Variants in MYO6 observed in about 807,000 individuals in gnomAD.
The protein encoded by MYO6 is unconventional myosin-VI.
A neutral mutation model predicts 178.7 loss-of-function variants in MYO6; 74 were observed. The ratio of observed to expected loss-of-function variants is 0.41; its 90% CI spans 0.34 to 0.50. MYO6 has a LOEUF of 0.50. Ranked by LOEUF, MYO6 falls within the 20% of genes least tolerant of loss-of-function variation. MYO6 has a pLI of 0.09. For synonymous variants in MYO6, 477 were observed against 504.6 expected (o/e 0.95, Z 0.73); for missense variants, 1,330 against 1,547.4 (o/e 0.86, Z 2.36).
intron 5 of MYO6, 119 bp downstream of exon 5, chr6:75,830,664 G>T (rs974251671): frequency 2.1e-6 from 2 of 973,946 alleles, no homozygotes; most frequent in African/African-American, 3.3e-5. Flanking sequence ...TGGAGAAACT[G>T]TATACCTCTT....
Position 75,886,101 on chromosome 6 carries a change from T to A in MYO6, c.2507+7T>A. The stretch of plus-strand genomic sequence containing the variant: ...AGAGGAGACACAAACCTCGGTAAGA[T>A]GAATAGTTCCTAAAAAGAACTCTAC... On this transcript the variant is annotated splice_region_variant and intron_variant, in intron 24 of 34. Transcript: ENST00000369977. 1 of 1,587,998 alleles carries A rather than the reference T, an allele frequency of 6.3e-7. No homozygotes were observed. The highest frequency in any genetic ancestry group is 8.6e-7 in the Non-Finnish European group (1 of 1,157,102).
At chr6:75,814,014 T>A (rs1342663860) in intron 1 of MYO6, among the ~76,000 whole-genome samples, 1 of 152,132 alleles carries the variant, frequency 6.6e-6, no homozygotes, top group East Asian at 1.9e-4. Flanking sequence ...CAGCTGGTGT[T>A]CTCACTAGGT....
chr6:75,837,915 GA>G (rs1375676948), intron 7 of MYO6, among the ~76,000 whole-genome samples: 1 of 152,078 alleles, frequency 6.6e-6, no homozygotes, highest in Non-Finnish European at 1.5e-5. Context: ...TTAGTATTCT[GA>G]TTTGCTCACT....
At chr6:75,796,088 A>C (rs1768786319) in intron 1 of MYO6, among the ~76,000 whole-genome samples, 1 of 152,194 alleles carries the variant, frequency 6.6e-6, no homozygotes, top group South Asian at 2.1e-4. Context: ...CTTGTTTATG[A>C]ATTCACTAAT....
intron 1 of MYO6, among the ~76,000 whole-genome samples, chr6:75,813,876 TA>T (rs771665824): frequency 1.1e-3 from 173 of 152,300 alleles, no homozygotes; most frequent in Admixed American, 2.5e-3. Flanking sequence ...CCCTGTTCTC[TA>T]TTCTACTGGG....
intron 7 of MYO6, among the ~76,000 whole-genome samples, chr6:75,837,957 T>C (rs1045643806): frequency 1.3e-5 from 2 of 152,178 alleles, no homozygotes; most frequent in Admixed American, 6.5e-5. Flanking sequence ...TAATTGGATA[T>C]ACACCCAGTT....
At chr6:75,768,088 T>G (rs1778591317) in intron 1 of MYO6, 1 of 150,490 alleles carries the variant, frequency 6.6e-6, no homozygotes, top group South Asian at 2.1e-4. Context: ...CCAGTTTGCA[T>G]TTGCCCAGGA....
intron 1 of MYO6, among the ~76,000 whole-genome samples, chr6:75,761,268 G>A (rs944978837): frequency 6.6e-6 from 1 of 152,092 alleles, no homozygotes; most frequent in African/African-American, 2.4e-5. Flanking sequence ...GTATTCAAAT[G>A]GCTAATTGAA....
intron 1 of MYO6, among the ~76,000 whole-genome samples, chr6:75,766,320 C>T (rs1778414159): frequency 2.0e-5 from 3 of 150,906 alleles, no homozygotes; most frequent in Admixed American, 2.0e-4. Context: ...TAGACTCTGT[C>T]TCAAAAAAAA....
chr6:75,764,360 T>C (rs1778215907), intron 1 of MYO6, among the ~76,000 whole-genome samples: 1 of 152,214 alleles, frequency 6.6e-6, no homozygotes, highest in Non-Finnish European at 1.5e-5. Flanking sequence ...TTCTCCTTAG[T>C]CTTGTTCAAA....
chr6:75,910,910 A>C (rs569514134), intron 32 of MYO6, among the ~76,000 whole-genome samples: 2 of 152,248 alleles, frequency 1.3e-5, no homozygotes, highest in South Asian at 2.1e-4. Flanking sequence ...TTGAGAAAAT[A>C]AAATGATGAC....
chr6:75,843,784 T>C (rs1015327633), intron 9 of MYO6, among the ~76,000 whole-genome samples: 13 of 151,970 alleles, frequency 8.6e-5, no homozygotes, highest in African/African-American at 2.7e-4. Flanking sequence ...ACCATGTATA[T>C]AGTTGTCTTG....
chr6:75,847,270 A>G (rs1385902376), intron 10 of MYO6, among the ~76,000 whole-genome samples: 2 of 152,132 alleles, frequency 1.3e-5, no homozygotes, highest in Non-Finnish European at 2.9e-5. Context: ...AATGTTACAC[A>G]TTCATAATTG....
intron 1 of MYO6, among the ~76,000 whole-genome samples, chr6:75,752,301 G>T (rs1277133239): frequency 6.6e-6 from 1 of 152,162 alleles, no homozygotes; most frequent in Non-Finnish European, 1.5e-5. Context: ...TACCCATAAT[G>T]AGATATTTCA....
intron 1 of MYO6, among the ~76,000 whole-genome samples, chr6:75,805,022 T>TATATA (rs869236276): frequency 7.2e-4 from 38 of 53,112 alleles, no homozygotes; most frequent in South Asian, 5.5e-3. Flanking sequence ...TATATATATA[T>TATATA]TTTTTTTTTT....
intron 1 of MYO6, among the ~76,000 whole-genome samples, chr6:75,751,767 A>C (rs1294185214): frequency 6.6e-6 from 1 of 152,168 alleles, no homozygotes; most frequent in Non-Finnish European, 1.5e-5. Flanking sequence ...TTCTTTAGAA[A>C]GTTTTAAAGA....
intron 1 of MYO6, among the ~76,000 whole-genome samples, chr6:75,775,160 C>T (rs1448203141): frequency 6.6e-6 from 1 of 152,056 alleles, no homozygotes; most frequent in Non-Finnish European, 1.5e-5. Context: ...AAGAAGGTGC[C>T]GTTTTTGCAG....
At chr6:75,811,407 T>G (rs191021967) in intron 1 of MYO6, among the ~76,000 whole-genome samples, 51 of 152,300 alleles carry the variant, frequency 3.3e-4, no homozygotes, top group African/African-American at 1.1e-3. Context: ...GTTTTCTCCT[T>G]TTTGCTTCTC....
intron 33 of MYO6, among the ~76,000 whole-genome samples, chr6:75,913,705 G>T (rs531910611): frequency 2.6e-5 from 4 of 152,216 alleles, no homozygotes; most frequent in Non-Finnish European, 5.9e-5. Context: ...TTTACAGGAA[G>T]AATATAAATC....
Sources: allele counts gnomAD v4.1 joint callset (sites outside exome capture counted in the v4.1 genomes callset), GRCh38; gene constraint gnomAD v4.1.1; transcripts MANE v1.5; gene names NCBI Gene and HGNC (gene_info 2026-07-23, HGNC 2026-07-21).